The following MYO9B variants were observed in gnomAD, a reference collection of about 807,000 sequenced individuals.
The protein encoded by MYO9B is myosin IXB, also known as unconventional myosin-IXb.
In MYO9B, 71 loss-of-function variants were observed where a neutral mutation model predicts 229.5. That is an observed-to-expected ratio of 0.31 (90% CI 0.26 to 0.38). The LOEUF (loss-of-function observed/expected upper bound fraction) is 0.38. MYO9B is among the 10% of genes least tolerant of loss of function. MYO9B has a pLI of 1.00. For missense variants in MYO9B, 2,255 were observed against 2,920.5 expected (o/e 0.77, Z 5.25); for synonymous variants, 1,185 against 1,235.8 (o/e 0.96, Z 0.86).
chr19:17,200,457 G>A (rs1322896474), intron 25 of MYO9B, 31 bp downstream of exon 25: 4 of 1,549,088 alleles, frequency 2.6e-6, no homozygotes, highest in South Asian at 2.4e-5. Flanking sequence ...GGGACAGACA[G>A]TAGAGCCACC....
chr19:17,101,767 A>G lies in MYO9B; in HGVS notation c.50A>G (p.Tyr17Cys). The part of the protein sequence containing the change: ...GSSGRREQAA[Y>C]HLHIYPQLST... ...TCGGGCCGCCGGGAGCAGGCGGCCT[A>G]CCACCTGCACATCTACCCCCAGCTG... is the stretch of plus-strand genomic sequence containing the variant. The change falls in exon 2 of 40, where the codon TAC (tyrosine) becomes TGC (cysteine). Residue 17 changes from tyrosine to cysteine, a missense_variant. Transcript: ENST00000682292. This position sits in a 1 kb window ranked among gnomAD's most constrained non-coding sequence, Gnocchi z 4.7. The G allele has an allele frequency of 1.3e-6, 2 of 1,599,158 alleles. No individual in the cohort carries two copies. Among genetic ancestry groups the G allele is most frequent in the Non-Finnish European group, 1.7e-6 (2 of 1,177,176 alleles).
chr19:17,113,145 C>G (rs1317759335), intron 2 of MYO9B, among the ~76,000 whole-genome samples: 1 of 152,204 alleles, frequency 6.6e-6, no homozygotes, highest in East Asian at 1.9e-4. Flanking sequence ...GTCTATGTTA[C>G]ATGAATGCAG....
chr19:17,082,473 T>A (rs921159656), intron 1 of MYO9B, among the ~76,000 whole-genome samples: 12 of 152,132 alleles, frequency 7.9e-5, no homozygotes, highest in Admixed American at 7.9e-4. Flanking sequence ...CTGGGCTCAC[T>A]GCTCAGAGCA....
intron 1 of MYO9B, among the ~76,000 whole-genome samples, chr19:17,086,568 C>T (rs2057585549): frequency 6.6e-6 from 1 of 152,206 alleles, no homozygotes; most frequent in Non-Finnish European, 1.5e-5. Flanking sequence ...ATCCCCTCGC[C>T]ACAAGTGGTA....
intron 22 of MYO9B, among the ~76,000 whole-genome samples, chr19:17,197,445 T>TAGATAGATAGATAGATAGAC (rs1156939570): frequency 2.4e-4 from 36 of 151,176 alleles, no homozygotes; most frequent in African/African-American, 8.9e-4. Context: ...GATAGATAGA[T>TAGATAGATAGATAGATAGAC]AGATACATAG....
intron 6 of MYO9B, among the ~76,000 whole-genome samples, chr19:17,155,976 C>T (rs549693569): frequency 1.2e-4 from 18 of 150,628 alleles, no homozygotes; most frequent in African/African-American, 4.4e-4. Context: ...GCCGAGATTG[C>T]GCCACTGCAC....
chr19:17,091,156 G>A (rs1276045491), intron 1 of MYO9B, among the ~76,000 whole-genome samples: 1 of 152,244 alleles, frequency 6.6e-6, no homozygotes, highest in Non-Finnish European at 1.5e-5. Flanking sequence ...CCCCAATCCA[G>A]GGAGGGAAGG....
At chr19:17,164,407 G>A (rs1330925634) in intron 10 of MYO9B, among the ~76,000 whole-genome samples, 2 of 150,992 alleles carry the variant, frequency 1.3e-5, no homozygotes, top group African/African-American at 4.9e-5. Flanking sequence ...TTGAGATGGA[G>A]TCTGGCTCTG....
At chr19:17,201,783 A>G (rs2073108760) in intron 26 of MYO9B, 143 bp from the exon 27 acceptor site, 1 of 640,928 alleles carries the variant, frequency 1.6e-6, no homozygotes, top group Non-Finnish European at 2.7e-6. Context: ...ATGAGAGACC[A>G]GGCTTGGCCA....
At chr19:17,083,072 C>G (rs2057549039) in intron 1 of MYO9B, among the ~76,000 whole-genome samples, 1 of 146,534 alleles carries the variant, frequency 6.8e-6, no homozygotes, top group African/African-American at 2.6e-5. Flanking sequence ...ACTCTGTCAC[C>G]TAGGATAAAG....
chr19:17,192,985 G>T lies in MYO9B; in HGVS notation c.3051G>T (p.Gln1017His). The T allele has an allele frequency of 6.6e-7, 1 of 1,519,276 alleles. No homozygotes were observed. Among genetic ancestry groups the T allele is most frequent in the Non-Finnish European group, 8.9e-7 (1 of 1,127,434 alleles). The allele number at this position is 1,519,276 out of a possible 1,614,324, so 94.1% of individuals were successfully genotyped here. Reference protein sequence around the residue: ...YLQASWRGYWQRKLYRHQKQS... With the variant: ...YLQASWRGYWHRKLYRHQKQS... ...AGGCCTCATGGAGGGGCTACTGGCA[G>T]CGGAAGCTCTACCGGCACCAGAAAC... Residue 1017 changes from glutamine to histidine, a missense_variant, in exon 21 of 40, where the codon CAG (glutamine) becomes CAT (histidine). This residue lies in a region of MYO9B where 679 missense variants were observed against 770.2 expected (regional missense o/e 0.88). Transcript: ENST00000682292.
At chr19:17,105,805 A>C (rs2057787310) in intron 2 of MYO9B, among the ~76,000 whole-genome samples, 1 of 152,144 alleles carries the variant, frequency 6.6e-6, no homozygotes, top group Admixed American at 6.6e-5. Context: ...TAAGACATTA[A>C]TTGGGGTCAT....
At chr19:17,181,683 G>A (rs1389802261) in intron 15 of MYO9B, among the ~76,000 whole-genome samples, 2 of 152,202 alleles carry the variant, frequency 1.3e-5, no homozygotes, top group Admixed American at 1.3e-4. Context: ...ATTGGGGTGT[G>A]GGCTGGCTGA....
chr19:17,115,399 T>A (rs1006791901), intron 2 of MYO9B, among the ~76,000 whole-genome samples: 1 of 151,848 alleles, frequency 6.6e-6, no homozygotes, highest in African/African-American at 2.4e-5. Context: ...TTTTCCTTTG[T>A]CTACCCCAGT....
intron 6 of MYO9B, among the ~76,000 whole-genome samples, chr19:17,155,670 G>A (rs1485427664): frequency 6.6e-6 from 1 of 151,920 alleles, no homozygotes; most frequent in African/African-American, 2.4e-5. Flanking sequence ...CTACTTGAGA[G>A]GCTGAGGTGG....
intron 3 of MYO9B, among the ~76,000 whole-genome samples, chr19:17,151,745 C>T (rs2072479223): frequency 6.6e-6 from 1 of 152,102 alleles, no homozygotes; most frequent in African/African-American, 2.4e-5. Context: ...CACGAAATCC[C>T]ATCTCTACAA....
chr19:17,173,026 C>A, intron 13 of MYO9B, 63 bp downstream of exon 13: 6 of 1,551,744 alleles, frequency 3.9e-6, no homozygotes, highest in Non-Finnish European at 3.5e-6. Context: ...ATCCTGAGTT[C>A]ATCTTAAAGT....
At chr19:17,133,267 C>A (rs1386365615) in intron 2 of MYO9B, among the ~76,000 whole-genome samples, 1 of 152,180 alleles carries the variant, frequency 6.6e-6, no homozygotes, top group East Asian at 1.9e-4. Context: ...ACCTGACATA[C>A]TCAACATGTT....
chr19:17,182,570 A>G (rs1346619846), intron 15 of MYO9B, among the ~76,000 whole-genome samples: 1 of 151,034 alleles, frequency 6.6e-6, no homozygotes, highest in Non-Finnish European at 1.5e-5. Context: ...CACCCGACTA[A>G]TTTTTTTCTG....
Sources: allele counts gnomAD v4.1 joint callset (sites outside exome capture counted in the v4.1 genomes callset), GRCh38; gene constraint gnomAD v4.1.1; regional missense constraint gnomAD v4.1.1; non-coding constraint Gnocchi (gnomAD v3.1); transcripts MANE v1.5; gene names NCBI Gene and HGNC (gene_info 2026-07-23, HGNC 2026-07-21).